AXDND1: variants seen among roughly 807,000 people sequenced by gnomAD.
AXDND1 encodes axonemal dynein light chain domain containing 1, also known as axonemal dynein light chain domain-containing protein 1.
AXDND1 carries 110 observed loss-of-function variants against 137.5 expected under a neutral mutation model. The observed-to-expected ratio is 0.80, with a 90% CI of 0.69 to 0.94. AXDND1 has a LOEUF of 0.94. Ranked by LOEUF, AXDND1 falls within the 40% of genes least tolerant of loss-of-function variation. The probability of loss-of-function intolerance (pLI) is 0.00; values close to 1 mark genes in which losing one functional copy is unlikely to be tolerated. For missense variants in AXDND1, 1,191 were observed against 1,169.8 expected, an observed-to-expected ratio of 1.02 and a Z score of -0.26; for synonymous variants, 414 against 399.7, an observed-to-expected ratio of 1.04 and a Z score of -0.43.
intron 14 of AXDND1, among the ~76,000 whole-genome samples, chr1:179,431,504 G>GTT (rs890281789): frequency 6.7e-6 from 1 of 149,516 alleles, no homozygotes; most frequent in East Asian, 2.0e-4. Flanking sequence ...TGTTGTTGTT[G>GTT]TTTTTTAACT....
intron 12 of AXDND1, among the ~76,000 whole-genome samples, chr1:179,416,328 T>A (rs946264502): frequency 1.3e-5 from 2 of 152,228 alleles, no homozygotes; most frequent in African/African-American, 4.8e-5. Context: ...TTTTCATTAT[T>A]CATTCGTTGG....
intron 9 of AXDND1, among the ~76,000 whole-genome samples, chr1:179,387,990 G>A (rs1006618372): frequency 6.6e-6 from 1 of 152,132 alleles, no homozygotes; most frequent in African/African-American, 2.4e-5. Context: ...CTGAACTCTA[G>A]CTGCTTTCAT....
At chr1:179,548,133 G>GCCA (rs1329564114) in intron 25 of AXDND1, among the ~76,000 whole-genome samples, 3 of 152,154 alleles carry the variant, frequency 2.0e-5, no homozygotes, top group African/African-American at 7.2e-5. Flanking sequence ...GGCACTACTG[G>GCCA]CCATCGGGGC....
At chr1:179,386,379 C>G (rs1286834143) in intron 9 of AXDND1, among the ~76,000 whole-genome samples, 1 of 151,986 alleles carries the variant, frequency 6.6e-6, no homozygotes, top group Non-Finnish European at 1.5e-5. Flanking sequence ...TGCTTTTGAG[C>G]AGTTTCACTA....
intron 11 of AXDND1, among the ~76,000 whole-genome samples, chr1:179,400,923 A>AAAG (rs1651920738): frequency 7.5e-6 from 1 of 133,684 alleles, no homozygotes; most frequent in African/African-American, 2.9e-5. Context: ...AAAAAAAAAA[A>AAAG]AAAAGAAAAA....
At chr1:179,473,447 G>A (rs546575216) in intron 17 of AXDND1, among the ~76,000 whole-genome samples, 8 of 152,138 alleles carry the variant, frequency 5.3e-5, no homozygotes, top group Middle Eastern at 3.4e-3. Flanking sequence ...GCAGTGAGCC[G>A]AGATCGCGCC....
intron 20 of AXDND1, among the ~76,000 whole-genome samples, chr1:179,498,220 A>G (rs762056774): frequency 2.7e-4 from 41 of 152,176 alleles, no homozygotes; most frequent in Non-Finnish European, 5.6e-4. Context: ...AGCAAAAGGA[A>G]CAAAGCTGGA....
In AXDND1 at chr1:179,479,335, C is replaced by T. The variant is rs561009760; in HGVS notation, c.1998-3793C>T. On this transcript the variant is annotated intron_variant, in intron 17 of 25. Coordinates refer to ENST00000367618, the MANE Select transcript of AXDND1 (RefSeq NM_144696.6). The stretch of plus-strand genomic sequence containing the variant: ...CTACTAAAATACAAAATTAGCTGGG[C>T]ATGGTGGCACATGCCTGTAATCCCA... 4.6e-4 allele frequency among the ~76,000 whole-genome samples: 68 copies of T among 148,560 alleles called. 1 individual carries two copies. The highest frequency in any genetic ancestry group is 1.7e-3 in the African/African-American group (67 of 40,290).
At chr1:179,369,836 T>G (rs1169895965) in intron 3 of AXDND1, 139 bp from the exon 4 acceptor site, 1 of 568,782 alleles carries the variant, frequency 1.8e-6, no homozygotes, top group Admixed American at 3.2e-5. Context: ...TGTCATTTAA[T>G]AAGAATTCTG....
chr1:179,395,280 A>G, intron 11 of AXDND1, 78 bp downstream of exon 11: 5 of 1,074,556 alleles, frequency 4.7e-6, no homozygotes, highest in Non-Finnish European at 6.8e-6. Flanking sequence ...AATATATATG[A>G]TACTATAACT....
At position 179,468,551 on chromosome 1, in the gene AXDND1, A is replaced by C. The variant is rs1484622114; in HGVS notation, c.1907A>C (p.Asp636Ala). Residue 636 changes from aspartate (D) to alanine (A), a missense_variant, in exon 17 of 26, where the codon GAT (aspartate) becomes GCT (alanine). Asp to Ala is a moderately radical substitution (Grantham distance 126). Transcript: ENST00000367618. ...DTPLEEWQEI[D>A]EKINEMKSHL... ...CCTCTTGAAGAATGGCAGGAAATAG[A>C]TGAAAAAATTAATGAAATGAAATCA... 1 of 1,612,898 alleles carries C rather than the reference A, an allele frequency of 6.2e-7. No homozygotes were observed. Among genetic ancestry groups the C allele is most frequent in the Non-Finnish European group, 8.5e-7 (1 of 1,179,378 alleles).
At chr1:179,473,233 T>A (rs12133018) in intron 17 of AXDND1, among the ~76,000 whole-genome samples, 69,413 of 152,056 alleles carry the variant, frequency 0.46, 16,749 homozygotes, top group East Asian at 0.76. Context: ...CTTCAGGTCA[T>A]GCCTGTAATC....
rs1433923713 is a variant in AXDND1 at position 179,389,016 on chromosome 1, C to T, written c.863+3657C>T. The stretch of plus-strand genomic sequence containing the variant: ...TTTGAGATGGAGTTTCACTCGTCAC[C>T]CAGGCTACAGTGCAATGGCACGATC... On this transcript the variant is annotated intron_variant, in intron 9 of 25. Coordinates refer to ENST00000367618, the MANE Select transcript of AXDND1 (RefSeq NM_144696.6). Among the ~76,000 whole-genome samples, 23 of 109,262 alleles carry T rather than the reference C, an allele frequency of 2.1e-4. No homozygotes were observed. The East Asian group carries it at 5.3e-3, about 25-fold the overall frequency. The allele number at this position is 109,262 out of a possible 152,430, so 71.7% of individuals were successfully genotyped here.
Position 179,404,370 on chromosome 1 carries a change from C to T in AXDND1, c.1110-6776C>T, listed in dbSNP as rs531894902. On this transcript the variant is annotated intron_variant, in intron 11 of 25. Transcript: ENST00000367618. Reference sequence around the variant, plus strand: ...CTGAGTAGCTGGGAGTACAGGCATCCGCCACCACACCCAGTTAATTTTTGT... The same window carrying T: ...CTGAGTAGCTGGGAGTACAGGCATCTGCCACCACACCCAGTTAATTTTTGT... Among the ~76,000 whole-genome samples, 213 of 151,794 alleles carry T rather than the reference C, an allele frequency of 1.4e-3. 2 individuals are homozygous for T. Among genetic ancestry groups the T allele is most frequent in the African/African-American group, 4.9e-3 (202 of 41,402 alleles).
chr1:179,525,312 A>C lies in AXDND1; in HGVS notation c.2497-22A>C, dbSNP rs200093688. 9.1e-5 allele frequency: 145 copies of C among 1,592,654 alleles called. 3 individuals carry two copies. The African/African-American group carries it at 1.9e-3, about 21-fold the overall frequency. On this transcript the variant is annotated intron_variant, in intron 21 of 25. Coordinates refer to ENST00000367618, the MANE Select transcript of AXDND1 (RefSeq NM_144696.6). ...TAATATTTATATACACCCTTTAATCATAATATTGGTTCATCTCACAGGAGG... is the reference window on the plus strand; with the variant it reads ...TAATATTTATATACACCCTTTAATCCTAATATTGGTTCATCTCACAGGAGG...
intron 20 of AXDND1, among the ~76,000 whole-genome samples, chr1:179,505,625 G>A (rs1410757458): frequency 2.0e-5 from 3 of 149,972 alleles, no homozygotes; most frequent in Admixed American, 2.0e-4. Flanking sequence ...TCCAGCCTGG[G>A]CAACAGAGCG....
intron 22 of AXDND1, among the ~76,000 whole-genome samples, chr1:179,527,654 A>G (rs1670658484): frequency 6.6e-6 from 1 of 152,188 alleles, no homozygotes; most frequent in Non-Finnish European, 1.5e-5. Context: ...GTTTATGTTA[A>G]GGGCATTTCT....
chr1:179,447,759 A>G (rs1659947044), intron 16 of AXDND1: 5 of 1,344,906 alleles, frequency 3.7e-6, no homozygotes, highest in Non-Finnish European at 5.3e-6. Flanking sequence ...AATTTGGAGA[A>G]GCTCTTGAGT....
At chr1:179,493,922 A>G (rs775155389) in intron 20 of AXDND1, among the ~76,000 whole-genome samples, 4 of 152,138 alleles carry the variant, frequency 2.6e-5, no homozygotes, top group Non-Finnish European at 5.9e-5. Context: ...CAGTTGCTTT[A>G]CATACTCACT....
Sources: allele counts gnomAD v4.1 joint callset (sites outside exome capture counted in the v4.1 genomes callset), GRCh38; gene constraint gnomAD v4.1.1; transcripts MANE v1.5; gene names NCBI Gene and HGNC (gene_info 2026-07-23, HGNC 2026-07-21).